FSTL5: variants seen among roughly 807,000 people sequenced by gnomAD.
The protein encoded by FSTL5 is follistatin-related protein 5.
Under a neutral mutation model 89.1 loss-of-function variants are expected in FSTL5, and 62 were observed. That is an observed-to-expected ratio of 0.70 (90% CI 0.57 to 0.86). The LOEUF is 0.86. Among genes scored for constraint, FSTL5 ranks in the 40% least tolerant of loss-of-function variants. The probability of loss-of-function intolerance (pLI) is 0.00; values close to 1 mark genes in which losing one functional copy is unlikely to be tolerated. For synonymous variants in FSTL5, 383 were observed against 346.2 expected (o/e 1.11, Z -1.18); for missense variants, 1,057 against 1,001.6 (o/e 1.06, Z -0.75).
intron 13 of FSTL5, among the ~76,000 whole-genome samples, chr4:161,474,385 T>G (rs1734051236): frequency 6.6e-6 from 1 of 152,184 alleles, no homozygotes; most frequent in African/African-American, 2.4e-5. Flanking sequence ...ATAATAACTT[T>G]TAGACTAATA....
intron 2 of FSTL5, among the ~76,000 whole-genome samples, chr4:162,064,341 T>C (rs1250203499): frequency 6.6e-6 from 1 of 152,042 alleles, no homozygotes; most frequent in Non-Finnish European, 1.5e-5. Context: ...TGATTCATTT[T>C]ATGCATCAGC....
intron 6 of FSTL5, among the ~76,000 whole-genome samples, chr4:161,675,906 A>C (rs926716626): frequency 6.6e-6 from 1 of 152,236 alleles, no homozygotes; most frequent in South Asian, 2.1e-4. Flanking sequence ...TGCATGAATT[A>C]TTATTATAAA....
At chr4:161,440,177 A>G (rs1490919046) in intron 15 of FSTL5, among the ~76,000 whole-genome samples, 1 of 152,152 alleles carries the variant, frequency 6.6e-6, no homozygotes, top group Non-Finnish European at 1.5e-5. Flanking sequence ...AAGGCACTAA[A>G]AGTGAACAAA....
intron 3 of FSTL5, among the ~76,000 whole-genome samples, chr4:161,980,613 A>ATAGAAATT (rs1409151943): frequency 6.6e-6 from 1 of 151,986 alleles, no homozygotes; most frequent in Non-Finnish European, 1.5e-5. Flanking sequence ...TCTATATCAT[A>ATAGAAATT]TAGAAATTAA....
chr4:161,902,368 T>C lies in FSTL5; in HGVS notation c.409+18036A>G, dbSNP rs181395380. On this transcript the variant is annotated intron_variant, in intron 4 of 15. Coordinates refer to ENST00000306100, the MANE Select transcript of FSTL5 (RefSeq NM_020116.5). The stretch of plus-strand genomic sequence containing the variant: ...TTTCTGCTATAGTAGTAAGGAGAGG[T>C]GTTTAGTTTTGTAAAATACATAATG... Among the ~76,000 whole-genome samples the C allele has an allele frequency of 1.3e-3, 195 of 152,106 alleles. 1 individual carries two copies. Among genetic ancestry groups the C allele is most frequent in the South Asian group, 6.0e-3 (29 of 4,824 alleles).
chr4:161,902,747 G>T (rs1169314490), intron 4 of FSTL5, among the ~76,000 whole-genome samples: 1 of 152,104 alleles, frequency 6.6e-6, no homozygotes, highest in African/African-American at 2.4e-5. Context: ...TACTCGGGAA[G>T]CTGAGGCAGG....
chr4:161,436,080 C>T (rs1419504507), intron 15 of FSTL5, among the ~76,000 whole-genome samples: 6 of 151,016 alleles, frequency 4.0e-5, no homozygotes, highest in Non-Finnish European at 8.8e-5. Context: ...TAAAAATTTT[C>T]CAAGAGAACC....
chr4:162,060,276 C>A (rs72693242), intron 2 of FSTL5, among the ~76,000 whole-genome samples: 3 of 151,864 alleles, frequency 2.0e-5, no homozygotes, highest in Non-Finnish European at 4.4e-5. Context: ...TAGCAGTCTC[C>A]GGTTTATACT....
At chr4:161,678,435 T>G (rs940303467) in intron 6 of FSTL5, among the ~76,000 whole-genome samples, 14 of 151,862 alleles carry the variant, frequency 9.2e-5, no homozygotes, top group Non-Finnish European at 1.6e-4. Context: ...TCTTTCAAGT[T>G]TTGTTTTCAG....
intron 12 of FSTL5, among the ~76,000 whole-genome samples, chr4:161,497,885 T>C (rs968284019): frequency 1.3e-5 from 2 of 151,926 alleles, no homozygotes; most frequent in Admixed American, 6.6e-5. Context: ...TCATATTTGG[T>C]TTCTATTTCC....
intron 4 of FSTL5, among the ~76,000 whole-genome samples, chr4:161,914,927 G>A (rs1733797212): frequency 6.6e-6 from 1 of 152,116 alleles, no homozygotes; most frequent in South Asian, 2.1e-4. Context: ...ATGGTAGATT[G>A]TTTCTAAATG....
intron 3 of FSTL5, among the ~76,000 whole-genome samples, chr4:161,965,738 A>C (rs1241148471): frequency 6.6e-6 from 1 of 152,096 alleles, no homozygotes; most frequent in Non-Finnish European, 1.5e-5. Flanking sequence ...GCCCTTGTTC[A>C]TGCTGTGCTG....
At chr4:161,640,598 T>C (rs971289953) in intron 7 of FSTL5, among the ~76,000 whole-genome samples, 4 of 152,100 alleles carry the variant, frequency 2.6e-5, no homozygotes, top group African/African-American at 9.7e-5. Context: ...CCTAAGATAG[T>C]AGTAAATCAT....
At chr4:161,697,532 T>G (rs905323988) in intron 6 of FSTL5, among the ~76,000 whole-genome samples, 1 of 152,186 alleles carries the variant, frequency 6.6e-6, no homozygotes, top group African/African-American at 2.4e-5. Flanking sequence ...GAATAACATA[T>G]CAAAGAGATG....
At position 161,527,606 on chromosome 4, in the gene FSTL5, C is replaced by T. The variant is rs1244283891; in HGVS notation, c.1312+10560G>A. Among the ~76,000 whole-genome samples the T allele has an allele frequency of 1.7e-3, 265 of 152,126 alleles. 2 individuals are homozygous for T. The highest frequency in any genetic ancestry group is 1.7e-3 in the Non-Finnish European group (114 of 67,986). ...AAAACCACAATGAGATACCATCTCA[C>T]ACCAGTTAGAATGGCAATCATTAAA... On this transcript the variant is annotated intron_variant, in intron 10 of 15. Coordinates refer to ENST00000306100, the MANE Select transcript of FSTL5 (RefSeq NM_020116.5).
intron 8 of FSTL5, among the ~76,000 whole-genome samples, chr4:161,546,442 G>T (rs904652244): frequency 2.1e-4 from 32 of 151,160 alleles, no homozygotes; most frequent in Non-Finnish European, 4.0e-4. Context: ...GTGACACATA[G>T]ACATTACAGT....
At chr4:161,406,962 T>A (rs1731403386) in intron 15 of FSTL5, among the ~76,000 whole-genome samples, 1 of 152,174 alleles carries the variant, frequency 6.6e-6, no homozygotes, top group South Asian at 2.1e-4. Context: ...ATATTCACTG[T>A]TTTTTATATG....
chr4:161,514,420 T>C (rs1306044510), intron 10 of FSTL5, among the ~76,000 whole-genome samples: 1 of 152,096 alleles, frequency 6.6e-6, no homozygotes, highest in Middle Eastern at 3.4e-3. Flanking sequence ...AGCTAGAAAA[T>C]GGGTTCACAT....
At chr4:161,780,645 G>C (rs1271118913) in intron 4 of FSTL5, among the ~76,000 whole-genome samples, 1 of 152,134 alleles carries the variant, frequency 6.6e-6, no homozygotes, top group Non-Finnish European at 1.5e-5. Context: ...TGGCCTTGTG[G>C]GTCCTGCAAG....
Sources: allele counts gnomAD v4.1 joint callset (sites outside exome capture counted in the v4.1 genomes callset), GRCh38; gene constraint gnomAD v4.1.1; transcripts MANE v1.5; gene names NCBI Gene and HGNC (gene_info 2026-07-23, HGNC 2026-07-21).